Variants in RNF152 observed in about 807,000 individuals in gnomAD.
The protein encoded by RNF152 is E3 ubiquitin-protein ligase RNF152.
RNF152 carries 11 observed loss-of-function variants against 12.7 expected under a neutral mutation model. The observed-to-expected ratio is 0.86, with a 90% CI of 0.54 to 1.43. The LOEUF (loss-of-function observed/expected upper bound fraction) is 1.43, where lower values mean the gene tolerates loss of function less well. Ranked by LOEUF, RNF152 falls within the 40% of genes most tolerant of loss-of-function variation. The probability of loss-of-function intolerance (pLI) is 0.00; values close to 1 mark genes in which losing one functional copy is unlikely to be tolerated. For synonymous variants in RNF152, 113 were observed against 120.3 expected, an observed-to-expected ratio of 0.94 and a Z score of 0.40; for missense variants, 255 against 274.8, an observed-to-expected ratio of 0.93 and a Z score of 0.51.
chr18:61,887,822 A>G (rs1438881577), intron 1 of RNF152, among the ~76,000 whole-genome samples: 5 of 152,004 alleles, frequency 3.3e-5, no homozygotes, highest in Non-Finnish European at 7.4e-5. Flanking sequence ...GATTATCTGG[A>G]TGTCTAGATC....
At chr18:61,872,494 A>G (rs186796860) in intron 1 of RNF152, among the ~76,000 whole-genome samples, 27 of 152,312 alleles carry the variant, frequency 1.8e-4, no homozygotes, top group African/African-American at 6.5e-4. Context: ...TAAAAATTCA[A>G]AATTAACTCC....
At chr18:61,850,060 C>T (rs1910901682) in intron 1 of RNF152, among the ~76,000 whole-genome samples, 1 of 152,204 alleles carries the variant, frequency 6.6e-6, no homozygotes, top group Admixed American at 6.5e-5. Flanking sequence ...TCTTTTAGAG[C>T]TTCTTCTTTC....
At chr18:61,830,298 T>C (rs952637344) in intron 1 of RNF152, among the ~76,000 whole-genome samples, 1 of 152,084 alleles carries the variant, frequency 6.6e-6, no homozygotes, top group African/African-American at 2.4e-5. Flanking sequence ...AGTGCTGGGA[T>C]TACAGGCATG....
In RNF152 at chr18:61,809,202, T is replaced by C. The variant is rs9966069; in HGVS notation, c.*6650A>G. ...ATAGACCCAGTGCTTCATGTCTCCC[T>C]TTCCCTCTCCCTCTCCCTCTACTTA... is the stretch of plus-strand genomic sequence containing the variant. On this transcript the variant is annotated 3_prime_UTR_variant, in exon 2 of 2. Coordinates refer to ENST00000312828, the MANE Select transcript of RNF152 (RefSeq NM_173557.3). 19,628 of 152,154 alleles carry C rather than the reference T, an allele frequency of 0.13. 1,297 individuals carry two copies. The highest frequency in any genetic ancestry group is 0.16 in the African/African-American group (6,619 of 41,476). 9.4% of individuals were successfully genotyped at this position (152,154 alleles called of 1,614,324 possible). A position where few individuals can be genotyped will look rare whatever the true frequency, so the allele number is the denominator to read the frequency against.
Position 61,812,106 on chromosome 18 carries a change from C to T in RNF152, c.*3746G>A, listed in dbSNP as rs1465798086. The T allele has an allele frequency of 1.3e-5, 2 of 152,192 alleles. No individual in the cohort carries two copies. The highest frequency in any genetic ancestry group is 4.8e-5 in the African/African-American group (2 of 41,442). The allele number at this position is 152,192 out of a possible 1,614,324, so 9.4% of individuals were successfully genotyped here. A position where few individuals can be genotyped will look rare whatever the true frequency, so the allele number is the denominator to read the frequency against. On this transcript the variant is annotated 3_prime_UTR_variant, in exon 2 of 2. Coordinates refer to ENST00000312828, the MANE Select transcript of RNF152 (RefSeq NM_173557.3). Reference sequence around the variant, plus strand: ...AGCCTCACTGTTACTCCATTAATACCTTGATGCTGGATCCCCAAGCGCTAT... The same window carrying T: ...AGCCTCACTGTTACTCCATTAATACTTTGATGCTGGATCCCCAAGCGCTAT...
chr18:61,863,440 A>T (rs945431601), intron 1 of RNF152, among the ~76,000 whole-genome samples: 2 of 151,224 alleles, frequency 1.3e-5, no homozygotes, highest in Non-Finnish European at 3.0e-5. Flanking sequence ...TCTCAAAAAA[A>T]AAAAAAAAAA....
intron 1 of RNF152, among the ~76,000 whole-genome samples, chr18:61,861,405 C>G (rs923655654): frequency 6.6e-6 from 1 of 152,170 alleles, no homozygotes; most frequent in Non-Finnish European, 1.5e-5. Context: ...AGGTTTGCAG[C>G]CTTGGAGCAA....
At chr18:61,826,990 G>A (rs907902457) in intron 1 of RNF152, among the ~76,000 whole-genome samples, 2 of 152,112 alleles carry the variant, frequency 1.3e-5, no homozygotes, top group African/African-American at 2.4e-5. Flanking sequence ...AGAACATACA[G>A]GAAGGGGTCA....
chr18:61,873,148 A>C (rs2144740905), intron 1 of RNF152, among the ~76,000 whole-genome samples: 1 of 152,310 alleles, frequency 6.6e-6, no homozygotes, highest in African/African-American at 2.4e-5. Flanking sequence ...CAAAAAATAC[A>C]GGGCAAAGAC....
rs531927166 is a variant in RNF152 at position 61,839,112 on chromosome 18, C to CT, written c.-135-22515dup. Among the ~76,000 whole-genome samples the CT allele has an allele frequency of 9.4e-4, 142 of 151,600 alleles. 2 individuals carry two copies. The highest frequency in any genetic ancestry group is 7.9e-4 in the Non-Finnish European group (54 of 67,942). On this transcript the variant is annotated intron_variant, in intron 1 of 1. Transcript: ENST00000312828. ...CCTCCTTGAATGATTTGATAGTAAG[C>CT]TGCAGGCCTGAGGTCCCGTTATCCC...
intron 1 of RNF152, among the ~76,000 whole-genome samples, chr18:61,873,815 A>G (rs1262745287): frequency 1.3e-5 from 2 of 152,260 alleles, no homozygotes; most frequent in Non-Finnish European, 2.9e-5. Context: ...ACCCAAGGAA[A>G]GTGGACTTGT....
At chr18:61,866,521 A>G (rs1276888173) in intron 1 of RNF152, among the ~76,000 whole-genome samples, 1 of 152,208 alleles carries the variant, frequency 6.6e-6, no homozygotes, top group Non-Finnish European at 1.5e-5. Flanking sequence ...ACCAAGAGTG[A>G]GGCCACACAC....
At chr18:61,829,112 C>A (rs1257821399) in intron 1 of RNF152, among the ~76,000 whole-genome samples, 1 of 152,106 alleles carries the variant, frequency 6.6e-6, no homozygotes, top group Non-Finnish European at 1.5e-5. Context: ...AAGTCAAATA[C>A]CCCTGCAATA....
At chr18:61,878,212 AG>A (rs1797466428) in intron 1 of RNF152, among the ~76,000 whole-genome samples, 1 of 152,198 alleles carries the variant, frequency 6.6e-6, no homozygotes, top group Non-Finnish European at 1.5e-5. Context: ...TGTCCCCTAG[AG>A]GACATTTGGC....
At chr18:61,835,598 C>A (rs1009174917) in intron 1 of RNF152, among the ~76,000 whole-genome samples, 3 of 151,906 alleles carry the variant, frequency 2.0e-5, no homozygotes, top group African/African-American at 4.8e-5. Flanking sequence ...TATTACATAT[C>A]AAAAATAATA....
At position 61,808,532 on chromosome 18, in the gene RNF152, G is replaced by A. The variant is rs1912800410; in HGVS notation, c.*7320C>T. On this transcript the variant is annotated 3_prime_UTR_variant, in exon 2 of 2. Transcript: ENST00000312828. Reference sequence around the variant, plus strand: ...GGAGTATTTGTTATCAAGAGGGCCAGAGAACCCACCGCTAAAGCCGTAGGG... The same window carrying A: ...GGAGTATTTGTTATCAAGAGGGCCAAAGAACCCACCGCTAAAGCCGTAGGG... The A allele has an allele frequency of 6.6e-6, 1 of 151,924 alleles. No homozygotes were observed. Among genetic ancestry groups the A allele is most frequent in the Non-Finnish European group, 1.5e-5 (1 of 68,030 alleles). The allele number at this position is 151,924 out of a possible 1,614,324, so 9.4% of individuals were successfully genotyped here. A position where few individuals can be genotyped will look rare whatever the true frequency, so the allele number is the denominator to read the frequency against.
chr18:61,842,724 A>C (rs916600024), intron 1 of RNF152, among the ~76,000 whole-genome samples: 2 of 152,200 alleles, frequency 1.3e-5, no homozygotes, highest in African/African-American at 2.4e-5. Flanking sequence ...GAGGCCTCAC[A>C]ATCATGGTGG....
intron 1 of RNF152, among the ~76,000 whole-genome samples, chr18:61,852,648 T>C (rs1330910028): frequency 6.6e-6 from 1 of 152,178 alleles, no homozygotes; most frequent in Non-Finnish European, 1.5e-5. Flanking sequence ...TTCCATCACC[T>C]GGAGAGATTT....
At chr18:61,826,499 C>A (rs995962552) in intron 1 of RNF152, among the ~76,000 whole-genome samples, 6 of 152,188 alleles carry the variant, frequency 3.9e-5, no homozygotes, top group African/African-American at 1.4e-4. Flanking sequence ...TCCTCCCTTT[C>A]CCCTACTAAG....
Sources: allele counts gnomAD v4.1 joint callset (sites outside exome capture counted in the v4.1 genomes callset), GRCh38; gene constraint gnomAD v4.1.1; transcripts MANE v1.5; gene names NCBI Gene and HGNC (gene_info 2026-07-23, HGNC 2026-07-21).